The following SPATA13 variants were observed in gnomAD, a reference collection of about 807,000 sequenced individuals.
SPATA13 encodes spermatogenesis-associated protein 13.
In SPATA13, 50 loss-of-function variants were observed where a neutral mutation model predicts 104.0. The observed-to-expected ratio is 0.48, with a 90% CI of 0.38 to 0.61. SPATA13 has a LOEUF of 0.61. Among genes scored for constraint, SPATA13 ranks in the 20% least tolerant of loss-of-function variants. The pLI, the probability that SPATA13 is intolerant of heterozygous loss-of-function variation, is 0.00. For missense variants in SPATA13, 1,524 were observed against 1,690.6 expected, an observed-to-expected ratio of 0.90 and a Z score of 1.73; for synonymous variants, 606 against 667.5, an observed-to-expected ratio of 0.91 and a Z score of 1.42.
At chr13:24,144,865 C>T (rs927320552) in intron 3 of SPATA13, among the ~76,000 whole-genome samples, 1 of 152,224 alleles carries the variant, frequency 6.6e-6, no homozygotes, top group African/African-American at 2.4e-5. Flanking sequence ...CTTCCAGTTT[C>T]TGCTCAAAGC....
At chr13:24,246,724 G>T (rs1358910948) in intron 2 of SPATA13, among the ~76,000 whole-genome samples, 3 of 152,126 alleles carry the variant, frequency 2.0e-5, no homozygotes, top group East Asian at 1.9e-4. Flanking sequence ...TTAGCTGGGC[G>T]TGGTGGTAGG....
At chr13:24,093,192 G>A (rs1879963758) in intron 3 of SPATA13, among the ~76,000 whole-genome samples, 1 of 152,184 alleles carries the variant, frequency 6.6e-6, no homozygotes, top group Admixed American at 6.5e-5. Context: ...ACATCAGTGG[G>A]AATCTGCTGT....
chr13:24,102,980 T>G (rs9553175), intron 3 of SPATA13, among the ~76,000 whole-genome samples: 2 of 151,750 alleles, frequency 1.3e-5, no homozygotes, highest in South Asian at 4.1e-4. Flanking sequence ...GACTCAACTT[T>G]ATTCCTTTGC....
chr13:24,134,790 G>A (rs570255204), intron 3 of SPATA13, among the ~76,000 whole-genome samples: 7 of 152,230 alleles, frequency 4.6e-5, no homozygotes, highest in Admixed American at 2.0e-4. Context: ...AGCTTCACTC[G>A]TTGTTATGGA....
Position 24,224,265 on chromosome 13 carries a change from G to A in SPATA13, c.1336G>A (p.Asp446Asn). The A allele has an allele frequency of 6.4e-7, 1 of 1,551,696 alleles. No individual in the cohort carries two copies. The highest frequency in any genetic ancestry group is 1.2e-5 in the South Asian group (1 of 84,058). The change falls in exon 2 of 13, where the codon GAC becomes AAC. Residue 446 changes from aspartate to asparagine, a missense_variant. Coordinates refer to ENST00000382108, the MANE Select transcript of SPATA13 (RefSeq NM_001166271.3). ...GGATGTGTTGAGCAAAGACTCCTGT[G>A]ACCCAAACGCTGGCAGCCAGTTGAC... Reference protein sequence around the residue: ...VQDVLSKDSCDPNAGSQLTFD... With the variant: ...VQDVLSKDSCNPNAGSQLTFD...
At chr13:24,266,487 G>A (rs1448767040) in intron 4 of SPATA13, among the ~76,000 whole-genome samples, 2 of 152,110 alleles carry the variant, frequency 1.3e-5, no homozygotes, top group Non-Finnish European at 2.9e-5. Context: ...GTCTGCCTAT[G>A]TTGCTCTGGC....
At chr13:24,122,221 T>A in intron 3 of SPATA13, 1 of 1,436,750 alleles carries the variant, frequency 7.0e-7, no homozygotes, top group Non-Finnish European at 9.8e-7. Context: ...GTTTTCTTTG[T>A]TCTTCAGAAA....
intron 3 of SPATA13, among the ~76,000 whole-genome samples, chr13:24,107,601 C>T (rs1459422739): frequency 6.6e-6 from 1 of 152,190 alleles, no homozygotes; most frequent in Non-Finnish European, 1.5e-5. Context: ...TCTTAGCACT[C>T]TTATATTTAT....
intron 12 of SPATA13, among the ~76,000 whole-genome samples, 191 bp from the exon 13 acceptor site, chr13:24,302,407 A>G (rs1336196258): frequency 2.8e-5 from 4 of 143,114 alleles, no homozygotes; most frequent in African/African-American, 7.7e-5. Context: ...GATTGCAGTG[A>G]TCCAAGATCA....
intron 1 of SPATA13, among the ~76,000 whole-genome samples, chr13:24,198,469 C>A (rs531483454): frequency 7.9e-4 from 120 of 152,254 alleles, no homozygotes; most frequent in Non-Finnish European, 1.6e-3. Flanking sequence ...TAGAGGTCTC[C>A]AAAACCCTTT....
intron 3 of SPATA13, among the ~76,000 whole-genome samples, chr13:24,152,424 C>T (rs762804086): frequency 6.6e-6 from 1 of 152,268 alleles, no homozygotes; most frequent in African/African-American, 2.4e-5. Context: ...TCTGTGCCTA[C>T]TTCACAGCTC....
intron 1 of SPATA13, among the ~76,000 whole-genome samples, chr13:24,167,639 C>G (rs1593375285): frequency 1.3e-5 from 2 of 152,178 alleles, no homozygotes; most frequent in Non-Finnish European, 2.9e-5. Context: ...TGTACCTTCT[C>G]CAACCAATCA....
At chr13:24,165,625 C>T (rs1882698074) in intron 1 of SPATA13, among the ~76,000 whole-genome samples, 1 of 148,722 alleles carries the variant, frequency 6.7e-6, no homozygotes. Flanking sequence ...AAGGGGACAT[C>T]TTTACTCACT....
chr13:24,260,199 AC>A (rs1005575710), intron 4 of SPATA13, among the ~76,000 whole-genome samples: 7 of 152,148 alleles, frequency 4.6e-5, no homozygotes, highest in African/African-American at 1.7e-4. Flanking sequence ...GGAGGAAATG[AC>A]CTCAAATGAG....
At chr13:24,090,188 A>G (rs1295371180) in intron 3 of SPATA13, among the ~76,000 whole-genome samples, 1 of 151,006 alleles carries the variant, frequency 6.6e-6, no homozygotes, top group Non-Finnish European at 1.5e-5. Flanking sequence ...AGTTCTCTGC[A>G]CTTGGACATC....
At chr13:24,103,506 G>GAAA (rs1880330182) in intron 3 of SPATA13, among the ~76,000 whole-genome samples, 1 of 82,936 alleles carries the variant, frequency 1.2e-5, no homozygotes, top group South Asian at 3.7e-4. Flanking sequence ...AAAAAAACAA[G>GAAA]AAAGAAAAGA....
chr13:24,289,748 C>G (rs1332709934), intron 8 of SPATA13, among the ~76,000 whole-genome samples: 4 of 152,170 alleles, frequency 2.6e-5, no homozygotes, highest in African/African-American at 9.7e-5. Flanking sequence ...ATGCATTTAT[C>G]ATTTTTTAAC....
intron 3 of SPATA13, among the ~76,000 whole-genome samples, chr13:24,044,474 G>A (rs1210109274): frequency 6.6e-6 from 1 of 151,894 alleles, no homozygotes; most frequent in Non-Finnish European, 1.5e-5. Flanking sequence ...CTCATGATCC[G>A]CCCACCTCGG....
chr13:24,056,714 T>C (rs1197836868), intron 3 of SPATA13, among the ~76,000 whole-genome samples: 1 of 152,166 alleles, frequency 6.6e-6, no homozygotes, highest in Non-Finnish European at 1.5e-5. Context: ...ACATGATACA[T>C]AGAAGGCTGT....
Sources: allele counts gnomAD v4.1 joint callset (sites outside exome capture counted in the v4.1 genomes callset), GRCh38; gene constraint gnomAD v4.1.1; transcripts MANE v1.5; gene names NCBI Gene and HGNC (gene_info 2026-07-23, HGNC 2026-07-21).